GABBR2: variants seen among roughly 807,000 people sequenced by gnomAD.
GABBR2 encodes G-protein coupled receptor 51.
In GABBR2, 23 loss-of-function variants were observed where a neutral mutation model predicts 105.6. The observed-to-expected ratio is 0.22, with a 90% CI of 0.16 to 0.31. The LOEUF (loss-of-function observed/expected upper bound fraction) is 0.31. Ranked by LOEUF, GABBR2 falls within the 10% of genes least tolerant of loss-of-function variation. The pLI, the probability that GABBR2 is intolerant of heterozygous loss-of-function variation, is 1.00. For missense variants in GABBR2, 734 were observed against 1,245.5 expected (o/e 0.59, Z 6.18); for synonymous variants, 478 against 499.7 (o/e 0.96, Z 0.58).
At chr9:98,404,149 T>C (rs544767844) in intron 8 of GABBR2, among the ~76,000 whole-genome samples, 6 of 151,298 alleles carry the variant, frequency 4.0e-5, no homozygotes, top group Non-Finnish European at 8.8e-5. Flanking sequence ...CTTAGAATGA[T>C]ATAATTTTGA....
chr9:98,655,639 T>C (rs1309608398), intron 1 of GABBR2, among the ~76,000 whole-genome samples: 2 of 152,170 alleles, frequency 1.3e-5, no homozygotes, highest in Admixed American at 6.5e-5. Context: ...ATACACACCA[T>C]GGAATACTAT....
intron 13 of GABBR2, among the ~76,000 whole-genome samples, chr9:98,334,801 G>C (rs1381722417): frequency 6.6e-6 from 1 of 152,198 alleles, no homozygotes; most frequent in African/African-American, 2.4e-5. Flanking sequence ...TTCATCCTTT[G>C]TCAAGGACAA....
rs776317756 is a variant in GABBR2, at chr9:98,388,336, G to A, written c.1529+518C>T. ...GAGGAGTTATCCGGAGGGTCATACGGGATGATGGAAGGGAGGGCTTCCTGG... is the reference window on the plus strand; with the variant it reads ...GAGGAGTTATCCGGAGGGTCATACGAGATGATGGAAGGGAGGGCTTCCTGG... On this transcript the variant is annotated intron_variant, in intron 10 of 18. Transcript: ENST00000259455. This position sits in a 1 kb window ranked among gnomAD's most constrained non-coding sequence, Gnocchi z 4.4. Among the ~76,000 whole-genome samples, 4 of 152,166 alleles carry A rather than the reference G, an allele frequency of 2.6e-5. No homozygotes were observed. Among genetic ancestry groups the A allele is most frequent in the Non-Finnish European group, 5.9e-5 (4 of 68,032 alleles).
chr9:98,372,970 T>C (rs1831811569), intron 11 of GABBR2, among the ~76,000 whole-genome samples: 1 of 152,118 alleles, frequency 6.6e-6, no homozygotes, highest in East Asian at 1.9e-4. Flanking sequence ...TTTTTCTTTT[T>C]CTTTTTTTTT....
At chr9:98,623,234 G>A (rs980884152) in intron 1 of GABBR2, among the ~76,000 whole-genome samples, 1 of 152,156 alleles carries the variant, frequency 6.6e-6, no homozygotes, top group African/African-American at 2.4e-5. Flanking sequence ...AGACCAGCCT[G>A]GGCAACACGG....
intron 13 of GABBR2, among the ~76,000 whole-genome samples, chr9:98,337,936 T>A (rs565722952): frequency 1.3e-5 from 2 of 152,178 alleles, no homozygotes; most frequent in East Asian, 3.9e-4. Context: ...GCAGGAGAAT[T>A]GCTTGAACCT....
At chr9:98,399,527 G>A (rs1283620942) in intron 8 of GABBR2, among the ~76,000 whole-genome samples, 1 of 152,084 alleles carries the variant, frequency 6.6e-6, no homozygotes, top group Non-Finnish European at 1.5e-5. Flanking sequence ...CACTGGATGG[G>A]CTGTGGGCTC....
At chr9:98,706,297 G>C (rs1830893314) in intron 1 of GABBR2, among the ~76,000 whole-genome samples, 1 of 152,060 alleles carries the variant, frequency 6.6e-6, no homozygotes, top group Admixed American at 6.5e-5. Flanking sequence ...CCTAGGCTTA[G>C]AGAGATTAAA....
chr9:98,496,637 A>G (rs1827286328), intron 3 of GABBR2, 123 bp from the exon 4 acceptor site: 1 of 694,218 alleles, frequency 1.4e-6, no homozygotes, highest in Non-Finnish European at 2.6e-6. Context: ...ATGCAAAGTG[A>G]GTGGTTTTGT....
At chr9:98,386,420 A>G (rs1701420908) in intron 10 of GABBR2, among the ~76,000 whole-genome samples, 2 of 152,148 alleles carry the variant, frequency 1.3e-5, no homozygotes, top group Admixed American at 1.3e-4. Context: ...ACAGCCACAC[A>G]TGTGGGCAGG....
intron 3 of GABBR2, among the ~76,000 whole-genome samples, chr9:98,539,063 G>C (rs1241665293): frequency 2.0e-5 from 3 of 152,224 alleles, no homozygotes; most frequent in Non-Finnish European, 4.4e-5. Flanking sequence ...CTACCCAACA[G>C]TCAAGACCTG....
chr9:98,417,001 T>A (rs911768221), intron 7 of GABBR2, among the ~76,000 whole-genome samples: 1 of 152,170 alleles, frequency 6.6e-6, no homozygotes, highest in African/African-American at 2.4e-5. Context: ...CCCCTGTTCA[T>A]GTCCTCTTTG....
chr9:98,497,680 G>T (rs906879112), intron 3 of GABBR2, among the ~76,000 whole-genome samples: 13 of 152,184 alleles, frequency 8.5e-5, no homozygotes, highest in African/African-American at 2.7e-4. Flanking sequence ...GATGCTTAAA[G>T]CACTTCTTGT....
chr9:98,445,790 G>A (rs769332390), intron 7 of GABBR2, among the ~76,000 whole-genome samples: 2 of 152,214 alleles, frequency 1.3e-5, no homozygotes, highest in Non-Finnish European at 2.9e-5. Flanking sequence ...TGAGCCATTA[G>A]CAGGGGCACC....
rs988306238 is a variant in GABBR2 at position 98,547,184 on chromosome 9, T to C, written c.460-5141A>G. On this transcript the variant is annotated intron_variant, in intron 2 of 18. Transcript: ENST00000259455. Reference sequence around the variant, plus strand: ...AAAAAAATCGCACTCTTGATTTTATTTGGGATAAAGAGAGCCCTATACACG... The same window carrying C: ...AAAAAAATCGCACTCTTGATTTTATCTGGGATAAAGAGAGCCCTATACACG... 6.0e-5 allele frequency among the ~76,000 whole-genome samples: 7 copies of C among 117,486 alleles called. 1 individual carries two copies. The highest frequency in any genetic ancestry group is 2.0e-4 in the Admixed American group (2 of 10,250). 77.1% of individuals were successfully genotyped at this position (117,486 alleles called of 152,430 possible). A position where few individuals can be genotyped will look rare whatever the true frequency, so the allele number is the denominator to read the frequency against.
intron 7 of GABBR2, among the ~76,000 whole-genome samples, chr9:98,415,804 A>T (rs1203334475): frequency 6.6e-6 from 1 of 152,200 alleles, no homozygotes; most frequent in African/African-American, 2.4e-5. Flanking sequence ...AGTAGGCAAA[A>T]GGACTGGGAC....
At chr9:98,382,406 C>T (rs1442260691) in intron 11 of GABBR2, among the ~76,000 whole-genome samples, 1 of 152,112 alleles carries the variant, frequency 6.6e-6, no homozygotes, top group Non-Finnish European at 1.5e-5. Context: ...CTCCGCCTCC[C>T]AGGTTCACGC....
chr9:98,574,271 T>C (rs569726055), intron 2 of GABBR2, among the ~76,000 whole-genome samples: 1 of 152,394 alleles, frequency 6.6e-6, no homozygotes, highest in South Asian at 2.1e-4. Flanking sequence ...CTAATTTGTG[T>C]GATCCACAGA....
At position 98,705,068 on chromosome 9, in the gene GABBR2, T is replaced by A. The variant is rs75601249; in HGVS notation, c.321+3349A>T. Reference sequence around the variant, plus strand: ...GAAGCTCAGAGCTAAAATATAATACTCAATGCAATAAATTTTAGCCCAGGT... The same window carrying A: ...GAAGCTCAGAGCTAAAATATAATACACAATGCAATAAATTTTAGCCCAGGT... On this transcript the variant is annotated intron_variant, in intron 1 of 18. Coordinates refer to ENST00000259455, the MANE Select transcript of GABBR2 (RefSeq NM_005458.8). Among the ~76,000 whole-genome samples the A allele has an allele frequency of 8.5e-3, 1,292 of 152,320 alleles. 19 individuals are homozygous for A. The highest frequency in any genetic ancestry group is 0.029 in the African/African-American group (1,216 of 41,570).
Sources: gnomAD v4.1 joint callset for allele counts (sites outside exome capture counted in the v4.1 genomes callset) on GRCh38, gnomAD v4.1.1 for gene constraint, Gnocchi (gnomAD v3.1) non-coding constraint, MANE v1.5 for transcripts, NCBI Gene and HGNC (gene_info 2026-07-23, HGNC 2026-07-21) for gene names.